CARMIL1: variants seen among roughly 807,000 people sequenced by gnomAD.
The protein encoded by CARMIL1 is F-actin-uncapping protein LRRC16A.
Under a neutral mutation model 177.1 loss-of-function variants are expected in CARMIL1, and 90 were observed. That is an observed-to-expected ratio of 0.51 (90% CI 0.43 to 0.61). The LOEUF is 0.61. Ranked by LOEUF, CARMIL1 falls within the 20% of genes least tolerant of loss-of-function variation. The pLI is 0.00. For synonymous variants in CARMIL1, 577 were observed against 606.2 expected (o/e 0.95, Z 0.71); for missense variants, 1,380 against 1,667.0 (o/e 0.83, Z 3.00).
At chr6:25,312,844 A>T (rs1488532664) in intron 2 of CARMIL1, among the ~76,000 whole-genome samples, 4 of 149,730 alleles carry the variant, frequency 2.7e-5, no homozygotes, top group Non-Finnish European at 4.4e-5. Flanking sequence ...CAGCTGGCAG[A>T]TCTCTATAAT....
intron 2 of CARMIL1, among the ~76,000 whole-genome samples, chr6:25,406,624 A>T (rs1396826321): frequency 6.6e-6 from 1 of 152,034 alleles, no homozygotes; most frequent in Non-Finnish European, 1.5e-5. Flanking sequence ...GTATTTAGGG[A>T]GGTAGACTGC....
intron 2 of CARMIL1, among the ~76,000 whole-genome samples, chr6:25,308,041 G>A (rs1783419443): frequency 6.6e-6 from 1 of 152,198 alleles, no homozygotes; most frequent in Non-Finnish European, 1.5e-5. Context: ...GTTATGCTTA[G>A]GCTAAAAAAT....
At chr6:25,427,986 A>ACAGT (rs558175459) in intron 4 of CARMIL1, among the ~76,000 whole-genome samples, 4 of 152,164 alleles carry the variant, frequency 2.6e-5, no homozygotes, top group Non-Finnish European at 5.9e-5. Flanking sequence ...CATTCCCTTA[A>ACAGT]CAGTGTCTTT....
intron 8 of CARMIL1, among the ~76,000 whole-genome samples, chr6:25,459,254 CTTTCTTTCTTTCTTTT>C (rs1474031929): frequency 9.1e-6 from 1 of 110,180 alleles, no homozygotes; most frequent in African/African-American, 3.6e-5. Flanking sequence ...TTCTTTCTTT[CTTTCTTTCTTTCTTTT>C]TTTTTTTTTT....
intron 16 of CARMIL1, among the ~76,000 whole-genome samples, chr6:25,496,465 T>G (rs1441410136): frequency 2.1e-5 from 2 of 97,450 alleles, no homozygotes; most frequent in African/African-American, 7.8e-5. Flanking sequence ...AGAGTGAGAC[T>G]CCATCTCAAA....
At chr6:25,365,353 A>G (rs1562040346) in intron 2 of CARMIL1, among the ~76,000 whole-genome samples, 1 of 152,198 alleles carries the variant, frequency 6.6e-6, no homozygotes, top group Admixed American at 6.5e-5. Context: ...TCAGCCTACT[A>G]GCTCTGGTTG....
At chr6:25,474,253 G>A (rs1271783583) in intron 11 of CARMIL1, among the ~76,000 whole-genome samples, 1 of 151,284 alleles carries the variant, frequency 6.6e-6, no homozygotes, top group African/African-American at 2.4e-5. Context: ...GACTACAGGT[G>A]CCCACCACCA....
At chr6:25,429,394 G>A (rs778398478) in intron 4 of CARMIL1, among the ~76,000 whole-genome samples, 12 of 152,226 alleles carry the variant, frequency 7.9e-5, no homozygotes, top group South Asian at 2.1e-4. Flanking sequence ...TGACCCAGGC[G>A]TCTCCTGTCT....
intron 36 of CARMIL1, among the ~76,000 whole-genome samples, chr6:25,611,559 G>A (rs919115146): frequency 2.0e-5 from 3 of 152,158 alleles, no homozygotes; most frequent in Admixed American, 1.3e-4. Context: ...TTAAGGAAGC[G>A]TTGAAAATGC....
chr6:25,520,769 G>A (rs765579075), intron 23 of CARMIL1, among the ~76,000 whole-genome samples: 1 of 151,878 alleles, frequency 6.6e-6, no homozygotes, highest in Non-Finnish European at 1.5e-5. Flanking sequence ...ATAAATGTAT[G>A]TAAATCTACA....
At position 25,528,903 on chromosome 6, in the gene CARMIL1, C is replaced by G. The variant is rs1213351962; in HGVS notation, c.2067+10C>G. The G allele has an allele frequency of 6.3e-7, 1 of 1,597,518 alleles. No homozygotes were observed. Among genetic ancestry groups the G allele is most frequent in the Non-Finnish European group, 8.5e-7 (1 of 1,170,172 alleles). ...CAGCACCACCCAGCAGGTAAGCGAG[C>G]CAGTGCCTGTGACTTCTCCTTCTAT... On this transcript the variant is annotated intron_variant, in intron 24 of 36. Transcript: ENST00000329474.
At chr6:25,529,721 GTCC>G in intron 24 of CARMIL1, among the ~76,000 whole-genome samples, 1 of 40,962 alleles carries the variant, frequency 2.4e-5, no homozygotes, top group Admixed American at 3.1e-4. Context: ...GCAGTCCGCA[GTCC>G]GGCCTGGGCG....
intron 5 of CARMIL1, among the ~76,000 whole-genome samples, chr6:25,442,631 A>G (rs1373210492): frequency 1.3e-5 from 2 of 150,072 alleles, no homozygotes; most frequent in Non-Finnish European, 2.9e-5. Context: ...GATAAGAAAC[A>G]GTTCCTACCT....
chr6:25,587,050 G>C (rs1377662476), intron 31 of CARMIL1, among the ~76,000 whole-genome samples: 1 of 141,022 alleles, frequency 7.1e-6, no homozygotes, highest in South Asian at 2.3e-4. Flanking sequence ...GGAGAGGGAG[G>C]GGGAGGGGGA....
intron 20 of CARMIL1, among the ~76,000 whole-genome samples, 185 bp downstream of exon 20, chr6:25,510,947 T>C (rs994241865): frequency 6.6e-6 from 1 of 152,190 alleles, no homozygotes; most frequent in African/African-American, 2.4e-5. Flanking sequence ...AAAACTTTTT[T>C]TACTTTATTC....
chr6:25,390,318 ATATTTTT>A (rs1301419497), intron 2 of CARMIL1, among the ~76,000 whole-genome samples: 18 of 43,680 alleles, frequency 4.1e-4, no homozygotes, highest in African/African-American at 1.8e-3. Context: ...ATATATATAT[ATATTTTT>A]TTTTTTTTTT....
intron 8 of CARMIL1, chr6:25,451,986 G>GACC: frequency 8.9e-6 from 1 of 112,672 alleles, no homozygotes; most frequent in Non-Finnish European, 1.7e-5. Context: ...CTAGCATCTT[G>GACC]CCCCCCCCTC....
rs1015173526 is a variant in CARMIL1 at position 25,340,724 on chromosome 6, G to A, written c.138+55815G>A. On this transcript the variant is annotated intron_variant, in intron 2 of 36. Transcript: ENST00000329474. ...CAAATGCCTCAATGTACAGGATAGT[G>A]GGTCAGTAGAAGAAACCTCACAAAG... Among the ~76,000 whole-genome samples, 8 of 147,866 alleles carry A rather than the reference G, an allele frequency of 5.4e-5. No homozygotes were observed. The Admixed American group carries it at 5.4e-4, about 10-fold the overall frequency.
intron 2 of CARMIL1, among the ~76,000 whole-genome samples, chr6:25,331,794 G>C (rs2150282395): frequency 6.6e-6 from 1 of 152,240 alleles, no homozygotes; most frequent in Non-Finnish European, 1.5e-5. Flanking sequence ...GATATGAGAA[G>C]CCAACTGTGA....
Sources: allele counts gnomAD v4.1 joint callset (sites outside exome capture counted in the v4.1 genomes callset), GRCh38; gene constraint gnomAD v4.1.1; transcripts MANE v1.5; gene names NCBI Gene and HGNC (gene_info 2026-07-23, HGNC 2026-07-21).